GPC4: variants seen among roughly 807,000 people sequenced by gnomAD.
The protein encoded by GPC4 is glypican-4.
GPC4 carries 10 observed loss-of-function variants against 35.0 expected under a neutral mutation model. The observed-to-expected ratio is 0.29, with a 90% CI of 0.18 to 0.48. The LOEUF (loss-of-function observed/expected upper bound fraction) is 0.48. Ranked by LOEUF, GPC4 falls within the 20% of genes least tolerant of loss-of-function variation. The probability of loss-of-function intolerance (pLI) is 0.99; values close to 1 mark genes in which losing one functional copy is unlikely to be tolerated. For missense variants in GPC4, 322 were observed against 451.3 expected (o/e 0.71, Z 2.60); for synonymous variants, 167 against 170.2 (o/e 0.98, Z 0.15).
At position 133,302,124 on chromosome X, in the gene GPC4, A is replaced by C. The variant is rs1019499060; in HGVS notation, c.*743T>G. The C allele has an allele frequency of 8.9e-6, 1 of 112,262 alleles. No individual in the cohort carries two copies. The highest frequency in any genetic ancestry group is 1.9e-5 in the Non-Finnish European group (1 of 53,242). The allele number at this position is 112,262 out of a possible 1,213,427, so 9.3% of individuals were successfully genotyped here. On this transcript the variant is annotated 3_prime_UTR_variant, in exon 9 of 9. Transcript: ENST00000370828. Reference sequence around the variant, plus strand: ...ATTTTATGTATAAGTGGGTTCAAGAAATGGACCTATAGTGATCTTAGCTTA... The same window carrying C: ...ATTTTATGTATAAGTGGGTTCAAGACATGGACCTATAGTGATCTTAGCTTA...
intron 1 of GPC4, among the ~76,000 whole-genome samples, chrX:133,390,798 G>A (rs2068716070): frequency 9.0e-6 from 1 of 111,274 alleles, no homozygotes; most frequent in East Asian, 2.8e-4. Flanking sequence ...CAAGTTTAAC[G>A]CCCTCCTTTC....
intron 1 of GPC4, among the ~76,000 whole-genome samples, chrX:133,391,482 T>C (rs2068719361): frequency 8.9e-6 from 1 of 112,205 alleles, no homozygotes. Context: ...TTTAGTTCTG[T>C]ATTGTTGGAG....
chrX:133,334,430 T>C (rs999808549), intron 2 of GPC4, among the ~76,000 whole-genome samples: 5 of 111,835 alleles, frequency 4.5e-5, no homozygotes, highest in African/African-American at 1.6e-4. Flanking sequence ...GTTAACAAGC[T>C]TCAGGCTCAT....
At chrX:133,315,544 C>G (rs775681746) in intron 3 of GPC4, among the ~76,000 whole-genome samples, 8 of 111,448 alleles carry the variant, frequency 7.2e-5, no homozygotes, top group African/African-American at 2.6e-4. Flanking sequence ...ATTCAACATT[C>G]TACTCCCTGG....
intron 2 of GPC4, among the ~76,000 whole-genome samples, chrX:133,333,289 C>T (rs2068429021): frequency 1.8e-5 from 2 of 112,784 alleles, no homozygotes; most frequent in South Asian, 7.3e-4. Flanking sequence ...ATTTACTTCC[C>T]TCCAGACAGA....
At chrX:133,312,603 T>G (rs1009178753) in intron 3 of GPC4, among the ~76,000 whole-genome samples, 2 of 107,226 alleles carry the variant, frequency 1.9e-5, no homozygotes, top group Non-Finnish European at 3.9e-5. Context: ...CACTCCAGCC[T>G]GTGTGACAGA....
intron 1 of GPC4, among the ~76,000 whole-genome samples, chrX:133,377,689 A>G (rs916212939): frequency 3.3e-4 from 36 of 110,705 alleles, no homozygotes; most frequent in African/African-American, 1.2e-3. Context: ...TAGGTACAGA[A>G]CTATTATCTT....
At chrX:133,359,251 C>T (rs935429458) in intron 1 of GPC4, among the ~76,000 whole-genome samples, 4 of 110,823 alleles carry the variant, frequency 3.6e-5, no homozygotes, top group Non-Finnish European at 5.7e-5. Flanking sequence ...TGAGGGAGTT[C>T]GGAAAGTAAA....
chrX:133,305,072 T>C (rs1484352408), intron 6 of GPC4, among the ~76,000 whole-genome samples: 10 of 111,392 alleles, frequency 9.0e-5, no homozygotes, highest in African/African-American at 3.3e-4. Context: ...TCCAAAGGAG[T>C]GGCCTAGACC....
chrX:133,346,147 G>T (rs1026249742), intron 1 of GPC4, among the ~76,000 whole-genome samples: 1 of 111,721 alleles, frequency 9.0e-6, no homozygotes, highest in African/African-American at 3.3e-5. Flanking sequence ...CAACCAATCA[G>T]AGGTACTTTC....
chrX:133,393,221 T>C lies in GPC4; in HGVS notation c.160+21585A>G, dbSNP rs902892690. 3.6e-5 allele frequency among the ~76,000 whole-genome samples: 4 copies of C among 111,675 alleles called. No homozygotes were observed. The East Asian group carries it at 1.1e-3, about 31-fold the overall frequency. On this transcript the variant is annotated intron_variant, in intron 1 of 8. Coordinates refer to ENST00000370828, the MANE Select transcript of GPC4 (RefSeq NM_001448.3). ...ATGACAAATGTTTTAGGAAGGGTTT[T>C]GTTTGGGGTTTCTTTCCTTTGTTTT... is the stretch of plus-strand genomic sequence containing the variant.
At chrX:133,360,535 A>G (rs1056831819) in intron 1 of GPC4, among the ~76,000 whole-genome samples, 5 of 102,256 alleles carry the variant, frequency 4.9e-5, no homozygotes, top group Non-Finnish European at 5.9e-5. Context: ...GGGTTTGCCG[A>G]AAAAAAAAAA....
intron 1 of GPC4, among the ~76,000 whole-genome samples, chrX:133,394,678 C>G (rs938942734): frequency 9.0e-6 from 1 of 111,390 alleles, no homozygotes; most frequent in Admixed American, 9.6e-5. Context: ...AGCTACTCAT[C>G]AGGAGAACCC....
At chrX:133,343,863 T>C in intron 1 of GPC4, among the ~76,000 whole-genome samples, 1 of 111,258 alleles carries the variant, frequency 9.0e-6, no homozygotes, top group Middle Eastern at 4.6e-3. Flanking sequence ...TGTGTATTGG[T>C]TCTTTTTTTT....
At chrX:133,330,959 C>T (rs1256316032) in intron 2 of GPC4, among the ~76,000 whole-genome samples, 8 of 50,316 alleles carry the variant, frequency 1.6e-4, no homozygotes, top group Admixed American at 4.6e-4. Flanking sequence ...AACAAACAAA[C>T]GAACAAACAA....
At chrX:133,347,458 C>A (rs1480396274) in intron 1 of GPC4, among the ~76,000 whole-genome samples, 3 of 109,528 alleles carry the variant, frequency 2.7e-5, no homozygotes. Flanking sequence ...CTACTTTACT[C>A]TTTTTCTAAT....
At chrX:133,362,845 T>C (rs910137327) in intron 1 of GPC4, among the ~76,000 whole-genome samples, 1 of 112,214 alleles carries the variant, frequency 8.9e-6, no homozygotes, top group South Asian at 3.7e-4. Context: ...GCTGTGGTCC[T>C]AGAAGAGGTT....
chrX:133,335,117 T>C (rs1490039668), intron 2 of GPC4, among the ~76,000 whole-genome samples: 1 of 110,932 alleles, frequency 9.0e-6, no homozygotes, highest in Non-Finnish European at 1.9e-5. Flanking sequence ...TTTCCCTAAC[T>C]CCCTCCTGAA....
At chrX:133,343,297 T>A (rs1310239511) in intron 1 of GPC4, among the ~76,000 whole-genome samples, 1 of 111,702 alleles carries the variant, frequency 9.0e-6, no homozygotes, top group African/African-American at 3.3e-5. Flanking sequence ...CCTAATTCAA[T>A]CTCCTGCTTC....
Sources: gnomAD v4.1 joint callset for allele counts (sites outside exome capture counted in the v4.1 genomes callset) on GRCh38, gnomAD v4.1.1 for gene constraint, MANE v1.5 for transcripts, NCBI Gene and HGNC (gene_info 2026-07-23, HGNC 2026-07-21) for gene names.